Variants in RGS7BP observed in about 807,000 individuals in gnomAD.
The protein encoded by RGS7BP is regulator of G protein signaling 7 binding protein.
In RGS7BP, 9 loss-of-function variants were observed where a neutral mutation model predicts 31.3. The observed-to-expected ratio is 0.29, with a 90% CI of 0.17 to 0.50. The LOEUF is 0.50. Among genes scored for constraint, RGS7BP ranks in the 20% least tolerant of loss-of-function variants. The pLI is 0.98. For missense variants in RGS7BP, 274 were observed against 322.0 expected, an observed-to-expected ratio of 0.85 and a Z score of 1.14; for synonymous variants, 115 against 120.1, an observed-to-expected ratio of 0.96 and a Z score of 0.28.
At chr5:64,553,027 A>G (rs1741832498) in intron 2 of RGS7BP, among the ~76,000 whole-genome samples, 1 of 152,162 alleles carries the variant, frequency 6.6e-6, no homozygotes, top group Non-Finnish European at 1.5e-5. Context: ...CCTACAACCT[A>G]TAACACTTAA....
chr5:64,537,277 G>A (rs1372189075), intron 2 of RGS7BP, among the ~76,000 whole-genome samples: 2 of 152,060 alleles, frequency 1.3e-5, no homozygotes, highest in African/African-American at 2.4e-5. Context: ...AATAAAAATC[G>A]CAAAAATAAA....
intron 2 of RGS7BP, among the ~76,000 whole-genome samples, chr5:64,560,283 C>T (rs3846471): frequency 0.95 from 144,437 of 152,114 alleles, 68,950 homozygotes; most frequent in African/African-American, 0.99. Flanking sequence ...GGGAACTTAA[C>T]ACAAATCAAA....
chr5:64,583,342 T>C (rs904114045), intron 3 of RGS7BP, among the ~76,000 whole-genome samples: 1 of 152,130 alleles, frequency 6.6e-6, no homozygotes, highest in African/African-American at 2.4e-5. Context: ...TGAGCCGAGA[T>C]GACGCCACTG....
chr5:64,572,179 A>T (rs768846164), intron 2 of RGS7BP, among the ~76,000 whole-genome samples: 40 of 152,146 alleles, frequency 2.6e-4, no homozygotes, highest in Non-Finnish European at 5.6e-4. Context: ...TTTTAATATA[A>T]ATGTTTCCTA....
Position 64,609,336 on chromosome 5 carries a change from T to TA in RGS7BP, c.*85dup. 1.3e-6 allele frequency: 1 copy of TA among 797,722 alleles called. No homozygotes were observed. Among genetic ancestry groups the TA allele is most frequent in the East Asian group, 2.5e-5 (1 of 40,710 alleles). The allele number at this position is 797,722 out of a possible 1,614,324, so 49.4% of individuals were successfully genotyped here. On this transcript the variant is annotated 3_prime_UTR_variant, in exon 6 of 6. Transcript: ENST00000334025. ...CCTCCAGACAGCTGAACCACACAGT[T>TA]ATTGGTTTTTGACTATGTTTTCTAT...
chr5:64,600,073 C>G (rs1264792931), intron 5 of RGS7BP, among the ~76,000 whole-genome samples: 1 of 152,138 alleles, frequency 6.6e-6, no homozygotes, highest in Admixed American at 6.5e-5. Flanking sequence ...TGCAACAGAC[C>G]ACGTGTAGTG....
At chr5:64,577,544 A>T (rs1395549161) in intron 3 of RGS7BP, among the ~76,000 whole-genome samples, 1 of 152,216 alleles carries the variant, frequency 6.6e-6, no homozygotes, top group Non-Finnish European at 1.5e-5. Flanking sequence ...CATTTTTCCC[A>T]GTATGTGAAT....
chr5:64,568,782 G>GTT (rs1554056553), intron 2 of RGS7BP, among the ~76,000 whole-genome samples: 75 of 137,540 alleles, frequency 5.5e-4, no homozygotes, highest in East Asian at 1.1e-3. Flanking sequence ...GATGGTTATT[G>GTT]TTTTTTTTTT....
At chr5:64,511,078 A>G (rs1212987296) in intron 2 of RGS7BP, among the ~76,000 whole-genome samples, 1 of 152,272 alleles carries the variant, frequency 6.6e-6, no homozygotes, top group East Asian at 1.9e-4. Context: ...ATAGAGAGGA[A>G]GAGGAAAAAC....
chr5:64,551,318 A>G (rs1328593723), intron 2 of RGS7BP, among the ~76,000 whole-genome samples: 1 of 147,056 alleles, frequency 6.8e-6, no homozygotes, highest in African/African-American at 2.5e-5. Context: ...CCTGGAGTGC[A>G]GTGGCGCAAT....
At chr5:64,546,096 G>A (rs1016110570) in intron 2 of RGS7BP, among the ~76,000 whole-genome samples, 8 of 152,140 alleles carry the variant, frequency 5.3e-5, no homozygotes, top group African/African-American at 1.2e-4. Flanking sequence ...CGAGGTTGCG[G>A]TGAGCCAAGA....
At chr5:64,552,028 G>A (rs1741806541) in intron 2 of RGS7BP, among the ~76,000 whole-genome samples, 1 of 152,094 alleles carries the variant, frequency 6.6e-6, no homozygotes, top group Non-Finnish European at 1.5e-5. Flanking sequence ...TTAGAAGCTG[G>A]ATATGTGCCT....
intron 2 of RGS7BP, among the ~76,000 whole-genome samples, chr5:64,523,094 T>C (rs1452551914): frequency 6.6e-6 from 1 of 152,066 alleles, no homozygotes; most frequent in Non-Finnish European, 1.5e-5. Flanking sequence ...TAAAGGAATG[T>C]AGTTGAAGGA....
intron 5 of RGS7BP, among the ~76,000 whole-genome samples, chr5:64,602,283 G>C (rs1287042506): frequency 2.0e-5 from 3 of 152,188 alleles, no homozygotes; most frequent in Non-Finnish European, 4.4e-5. Flanking sequence ...TATGTTTCTA[G>C]CTGCTGTCTG....
At chr5:64,600,990 A>G (rs998675898) in intron 5 of RGS7BP, among the ~76,000 whole-genome samples, 19 of 152,186 alleles carry the variant, frequency 1.2e-4, no homozygotes, top group Admixed American at 5.9e-4. Context: ...GGCTTCCCCA[A>G]TTCCTTTCCG....
chr5:64,535,720 C>G (rs761832508), intron 2 of RGS7BP, among the ~76,000 whole-genome samples: 11 of 152,208 alleles, frequency 7.2e-5, no homozygotes, highest in Admixed American at 7.2e-4. Context: ...CACTCTCCTT[C>G]CATAGCAGAC....
chr5:64,514,952 T>TTTAATGAC (rs1180591230), intron 2 of RGS7BP, among the ~76,000 whole-genome samples: 5 of 152,234 alleles, frequency 3.3e-5, no homozygotes, highest in Non-Finnish European at 7.3e-5. Context: ...TTTGAACAGA[T>TTTAATGAC]TTAATGACTT....
chr5:64,598,063 C>G (rs1743122024), intron 4 of RGS7BP, among the ~76,000 whole-genome samples: 1 of 152,146 alleles, frequency 6.6e-6, no homozygotes, highest in South Asian at 2.1e-4. Context: ...GCACTGTCCT[C>G]GTGACCAATG....
rs189656182 is a variant in RGS7BP at position 64,560,465 on chromosome 5, C to T, written c.333-15309C>T. Among the ~76,000 whole-genome samples the T allele has an allele frequency of 1.5e-3, 234 of 151,814 alleles. 1 individual carries two copies. The highest frequency in any genetic ancestry group is 5.4e-3 in the African/African-American group (224 of 41,438). On this transcript the variant is annotated intron_variant, in intron 2 of 5. Transcript: ENST00000334025. Reference sequence around the variant, plus strand: ...TGCAAGATGACCTGAAAGAAAATATCGTAACTTTCTTATTACGTACTCCTT... The same window carrying T: ...TGCAAGATGACCTGAAAGAAAATATTGTAACTTTCTTATTACGTACTCCTT...
Sources: allele counts gnomAD v4.1 joint callset (sites outside exome capture counted in the v4.1 genomes callset), GRCh38; gene constraint gnomAD v4.1.1; transcripts MANE v1.5; gene names NCBI Gene and HGNC (gene_info 2026-07-23, HGNC 2026-07-21).